MYH10: variants seen among roughly 807,000 people sequenced by gnomAD.
MYH10 encodes myosin heavy chain 10.
MYH10 carries 55 observed loss-of-function variants against 257.8 expected under a neutral mutation model. The observed-to-expected ratio is 0.21, with a 90% CI of 0.17 to 0.27. The LOEUF is 0.27. MYH10 is among the 10% of genes least tolerant of loss of function. The pLI is 1.00. For synonymous variants in MYH10, 854 were observed against 921.7 expected, an observed-to-expected ratio of 0.93 and a Z score of 1.33; for missense variants, 1,631 against 2,500.6, an observed-to-expected ratio of 0.65 and a Z score of 7.42.
chr17:8,530,311 T>G (rs567791323), intron 17 of MYH10, among the ~76,000 whole-genome samples: 98 of 152,346 alleles, frequency 6.4e-4, no homozygotes, highest in African/African-American at 2.2e-3. Flanking sequence ...ATGGCACTAT[T>G]GGAAAAGGTA....
At chr17:8,507,155 CAT>C (rs1435627044) in intron 26 of MYH10, among the ~76,000 whole-genome samples, 2 of 152,236 alleles carry the variant, frequency 1.3e-5, no homozygotes, top group African/African-American at 2.4e-5. Context: ...TAAAAAAGCA[CAT>C]GTGCTTATGG....
In MYH10 at chr17:8,571,791, G is replaced by C. The variant is rs552972868; in HGVS notation, c.664-1979C>G. Among the ~76,000 whole-genome samples the C allele has an allele frequency of 7.2e-5, 11 of 152,156 alleles. No individual in the cohort carries two copies. In the South Asian group the frequency reaches 2.3e-3, roughly 32 times the overall value. On this transcript the variant is annotated intron_variant, in intron 6 of 42. Transcript: ENST00000360416. ...TAAAAAATAAAAATTAAAAATGTCA[G>C]TCATTATTCGGTGATAGACTGCCTT...
intron 30 of MYH10, among the ~76,000 whole-genome samples, chr17:8,496,742 CT>C (rs1320263755): frequency 2.0e-5 from 3 of 152,250 alleles, no homozygotes; most frequent in African/African-American, 7.2e-5. Context: ...GACCACCCTC[CT>C]TCGAAAGGCC....
At chr17:8,500,470 G>C (rs1254550282) in intron 29 of MYH10, among the ~76,000 whole-genome samples, 1 of 152,236 alleles carries the variant, frequency 6.6e-6, no homozygotes, top group Non-Finnish European at 1.5e-5. Context: ...ACATCGGCAG[G>C]ACGTGTGACT....
chr17:8,528,686 A>G (rs1454591899), intron 17 of MYH10, among the ~76,000 whole-genome samples: 2 of 152,172 alleles, frequency 1.3e-5, no homozygotes, highest in Non-Finnish European at 2.9e-5. Context: ...AGGCAATCAC[A>G]ATTTGGATCC....
At position 8,480,129 on chromosome 17, in the gene MYH10, G is replaced by C; in HGVS notation, c.5578C>G (p.Gln1860Glu). 1.2e-6 allele frequency: 2 copies of C among 1,614,182 alleles called. No individual in the cohort carries two copies. The highest frequency in any genetic ancestry group is 8.5e-7 in the Non-Finnish European group (1 of 1,180,044). Residue 1860 changes from glutamine (Q) to glutamate (E), a missense_variant, in exon 40 of 43, where the codon CAG becomes GAG. Physicochemically the swap from Gln to Glu is conservative, Grantham distance 29. This residue lies in a region of MYH10 where 343 missense variants were observed against 389.5 expected (regional missense o/e 0.88). Transcript: ENST00000360416. ...TCTTACTTGGCTTCCTGCTCAAGCTGCTCCTCCAGCTGCCCAATCTTGGCC... is the reference window on the plus strand; with the variant it reads ...TCTTACTTGGCTTCCTGCTCAAGCTCCTCCTCCAGCTGCCCAATCTTGGCC... Reference protein sequence around the residue: ...LEAKIGQLEEQLEQEAKERAA... With the variant: ...LEAKIGQLEEELEQEAKERAA...
At chr17:8,499,171 G>A (rs932094010) in intron 30 of MYH10, 99 bp downstream of exon 30, 1 of 1,196,500 alleles carries the variant, frequency 8.4e-7, no homozygotes, top group Admixed American at 2.1e-5. Flanking sequence ...GTGTCGCACA[G>A]CACATTGGCC....
At chr17:8,577,361 G>T in intron 4 of MYH10, 23 bp from the exon 5 acceptor site, 2 of 1,561,986 alleles carry the variant, frequency 1.3e-6, no homozygotes, top group Non-Finnish European at 1.8e-6. Context: ...GTTAATATAG[G>T]CTGCTTTAAC....
chr17:8,486,007 G>T (rs989366964), intron 36 of MYH10, among the ~76,000 whole-genome samples: 1 of 152,176 alleles, frequency 6.6e-6, no homozygotes, highest in Non-Finnish European at 1.5e-5. Flanking sequence ...AAAGGAGTGC[G>T]GTACTTGTTC....
intron 37 of MYH10, among the ~76,000 whole-genome samples, chr17:8,482,468 G>C (rs985533192): frequency 5.9e-5 from 9 of 152,216 alleles, no homozygotes; most frequent in African/African-American, 2.2e-4. Context: ...AATGTTCCAG[G>C]CCTGATCCCA....
At chr17:8,583,533 A>G (rs1171415416) in intron 4 of MYH10, among the ~76,000 whole-genome samples, 2 of 152,212 alleles carry the variant, frequency 1.3e-5, no homozygotes. Context: ...AGAGGCTGAC[A>G]ATCTGATCCA....
chr17:8,512,387 GT>G (rs2081329133), intron 24 of MYH10, 63 bp downstream of exon 24: 1 of 1,334,840 alleles, frequency 7.5e-7, no homozygotes, highest in Non-Finnish European at 1.0e-6. Context: ...CATAACTTCT[GT>G]TTATTCAACA....
rs772095451 is a variant in MYH10 at position 8,569,107 on chromosome 17, G to A, written c.756+613C>T. Among the ~76,000 whole-genome samples, 14 of 151,772 alleles carry A rather than the reference G, an allele frequency of 9.2e-5. No homozygotes were observed. The highest frequency in any genetic ancestry group is 2.0e-4 in the East Asian group (1 of 5,116). The stretch of plus-strand genomic sequence containing the variant: ...TGAAGTAACGTGAGCCTGTAGTCCC[G>A]GCTCCTTGGGAGACTGAGGAAGGAG... On this transcript the variant is annotated intron_variant, in intron 7 of 42. Transcript: ENST00000360416. This position sits in a 1 kb window ranked among gnomAD's most constrained non-coding sequence, Gnocchi z 4.1.
chr17:8,623,367 T>A, intron 1 of MYH10, 90 bp from the exon 2 acceptor site: 1 of 1,278,630 alleles, frequency 7.8e-7, no homozygotes, highest in Non-Finnish European at 1.0e-6. Flanking sequence ...AAACCTTAGA[T>A]TAAGCATTAA....
intron 34 of MYH10, among the ~76,000 whole-genome samples, 162 bp downstream of exon 34, chr17:8,492,135 G>A (rs749163899): frequency 8.5e-5 from 13 of 152,182 alleles, no homozygotes; most frequent in Non-Finnish European, 1.5e-4. Context: ...CCTGAACCCC[G>A]TACGCATGCA....
At chr17:8,516,144 C>T (rs1006093992) in intron 21 of MYH10, among the ~76,000 whole-genome samples, 11 of 152,190 alleles carry the variant, frequency 7.2e-5, no homozygotes, top group African/African-American at 2.2e-4. Context: ...GTGTGTCAGG[C>T]ACTGTCCTCC....
chr17:8,519,626 A>G (rs2081583449), intron 19 of MYH10, among the ~76,000 whole-genome samples: 1 of 152,002 alleles, frequency 6.6e-6, no homozygotes, highest in Non-Finnish European at 1.5e-5. Flanking sequence ...AAAATCTACC[A>G]GACTTCATCA....
In MYH10 at chr17:8,474,724, C is replaced by G. The variant is rs1444131536; in HGVS notation, c.*1080G>C. ...TTAACTACCAACCAAAAACAGGATG[C>G]TAAGTGTTCACTGTAACACTGTCCA... On this transcript the variant is annotated 3_prime_UTR_variant, in exon 43 of 43. Coordinates refer to ENST00000360416, the MANE Select transcript of MYH10 (RefSeq NM_001256012.3). The G allele has an allele frequency of 6.6e-6, 1 of 152,606 alleles. No individual in the cohort carries two copies. The highest frequency in any genetic ancestry group is 1.5e-5 in the Non-Finnish European group (1 of 68,046). 9.5% of individuals were successfully genotyped at this position (152,606 alleles called of 1,614,324 possible). A position where few individuals can be genotyped will look rare whatever the true frequency, so the allele number is the denominator to read the frequency against.
chr17:8,561,726 T>C (rs2083002555), intron 7 of MYH10: 1 of 600,218 alleles, frequency 1.7e-6, no homozygotes. Context: ...ATGTGGTCAC[T>C]TACTTAGATA....
Sources: allele counts gnomAD v4.1 joint callset (sites outside exome capture counted in the v4.1 genomes callset), GRCh38; gene constraint gnomAD v4.1.1; regional missense constraint gnomAD v4.1.1; non-coding constraint Gnocchi (gnomAD v3.1); transcripts MANE v1.5; gene names NCBI Gene and HGNC (gene_info 2026-07-23, HGNC 2026-07-21).